SPTLC1: variants seen among roughly 807,000 people sequenced by gnomAD.
SPTLC1 encodes the protein serine palmitoyltransferase 1.
Under a neutral mutation model 68.9 loss-of-function variants are expected in SPTLC1, and 55 were observed. That is an observed-to-expected ratio of 0.80 (90% confidence interval 0.64 to 1.00). The LOEUF (loss-of-function observed/expected upper bound fraction) is 1.00, where lower values mean the gene tolerates loss of function less well. Among genes scored for constraint, SPTLC1 ranks in the 50% least tolerant of loss-of-function variants. The pLI is 0.00. For synonymous variants in SPTLC1, 197 were observed against 201.6 expected, an observed-to-expected ratio of 0.98 and a Z score of 0.19; for missense variants, 449 against 573.1, an observed-to-expected ratio of 0.78 and a Z score of 2.21.
chr9:92,100,643 G>A (rs1835711946), intron 3 of SPTLC1, among the ~76,000 whole-genome samples: 1 of 151,922 alleles, frequency 6.6e-6, no homozygotes, highest in African/African-American at 2.4e-5. Context: ...GTGTTTCCAG[G>A]GGAGTCCCAT....
chr9:92,055,600 AT>A (rs34684548), intron 7 of SPTLC1, 106 bp from the exon 8 acceptor site: 113,007 of 1,105,506 alleles, frequency 0.1, 6,601 homozygotes, highest in Non-Finnish European at 0.12. Context: ...TCCTAAAAAA[AT>A]ATTCTGAATG....
intron 14 of SPTLC1, 148 bp from the exon 15 acceptor site, chr9:92,032,706 C>A (rs943213944): frequency 9.1e-7 from 1 of 1,098,878 alleles, no homozygotes; most frequent in Non-Finnish European, 1.3e-6. Context: ...GAAACCCCAT[C>A]TCTGCTAAAA....
intron 3 of SPTLC1, among the ~76,000 whole-genome samples, chr9:92,100,107 T>C (rs1217753119): frequency 1.3e-5 from 2 of 148,206 alleles, no homozygotes; most frequent in African/African-American, 2.6e-5. Flanking sequence ...ATAAGCAAGT[T>C]TCTTAACAAA....
Position 92,032,025 on chromosome 9 carries a change from G to C in SPTLC1, c.*440C>G, listed in dbSNP as rs905192249. On this transcript the variant is annotated 3_prime_UTR_variant, in exon 15 of 15. Transcript: ENST00000262554. ...ATAAATTTGTACCACATATGTTGAAGTGTTCCTCTTAGCTTTAATGTTGCA... is the reference window on the plus strand; with the variant it reads ...ATAAATTTGTACCACATATGTTGAACTGTTCCTCTTAGCTTTAATGTTGCA... 7.2e-6 allele frequency: 3 copies of C among 413,890 alleles called. No individual in the cohort carries two copies. Among genetic ancestry groups the C allele is most frequent in the Admixed American group, 4.0e-5 (1 of 24,772 alleles). 25.6% of individuals were successfully genotyped at this position (413,890 alleles called of 1,614,324 possible). A position where few individuals can be genotyped will look rare whatever the true frequency, so the allele number is the denominator to read the frequency against.
chr9:92,082,786 C>T (rs1447219168), intron 3 of SPTLC1, among the ~76,000 whole-genome samples: 287 of 151,510 alleles, frequency 1.9e-3, no homozygotes, highest in African/African-American at 6.8e-3. Flanking sequence ...AATGGTATTT[C>T]TAGTTCTAGA....
At chr9:92,054,716 C>T (rs567673796) in intron 8 of SPTLC1, among the ~76,000 whole-genome samples, 12 of 152,260 alleles carry the variant, frequency 7.9e-5, no homozygotes, top group Admixed American at 3.3e-4. Context: ...AGATTGAGAC[C>T]ATCCTAGCCG....
chr9:92,088,104 G>T (rs571995027), intron 3 of SPTLC1, among the ~76,000 whole-genome samples: 2 of 152,180 alleles, frequency 1.3e-5, no homozygotes, highest in African/African-American at 4.8e-5. Context: ...TCGGAAAAGC[G>T]CAGTATTAGG....
intron 6 of SPTLC1, among the ~76,000 whole-genome samples, chr9:92,067,260 T>C (rs182505438): frequency 9.9e-5 from 15 of 151,674 alleles, no homozygotes; most frequent in Admixed American, 9.2e-4. Flanking sequence ...GATTGCGCCA[T>C]TGCACTCCAG....
intron 5 of SPTLC1, among the ~76,000 whole-genome samples, chr9:92,072,291 G>A (rs376931348): frequency 5.3e-5 from 8 of 152,134 alleles, no homozygotes; most frequent in East Asian, 3.9e-4. Context: ...AAGCTGCCTC[G>A]GTCTCTCCTC....
chr9:92,114,121 A>T (rs1836344379), intron 1 of SPTLC1, among the ~76,000 whole-genome samples: 1 of 151,944 alleles, frequency 6.6e-6, no homozygotes, highest in African/African-American at 2.4e-5. Context: ...TAAAAAAAAA[A>T]AAAGATTAGT....
chr9:92,040,216 A>AG (rs1366357577), intron 12 of SPTLC1, among the ~76,000 whole-genome samples: 6 of 151,942 alleles, frequency 3.9e-5, no homozygotes, highest in Non-Finnish European at 7.4e-5. Flanking sequence ...CTAAAAATAT[A>AG]AAAATTAGCC....
intron 5 of SPTLC1, among the ~76,000 whole-genome samples, chr9:92,068,389 G>A (rs919484011): frequency 1.3e-5 from 2 of 152,194 alleles, no homozygotes; most frequent in Non-Finnish European, 2.9e-5. Flanking sequence ...AAGACTTCAA[G>A]GCCTACCAAG....
At chr9:92,112,289 AG>A in intron 2 of SPTLC1, among the ~76,000 whole-genome samples, 165 bp downstream of exon 2, 2 of 152,334 alleles carry the variant, frequency 1.3e-5, no homozygotes, top group South Asian at 4.1e-4. Flanking sequence ...CTTTATTTCT[AG>A]ATTTCCCCAT....
At chr9:92,104,455 G>A in intron 3 of SPTLC1, 2 of 1,392,550 alleles carry the variant, frequency 1.4e-6, no homozygotes, top group Non-Finnish European at 1.9e-6. Context: ...TCGGAACACG[G>A]GCACCCCACA....
At chr9:92,086,447 A>C (rs1042602488) in intron 3 of SPTLC1, among the ~76,000 whole-genome samples, 4 of 152,154 alleles carry the variant, frequency 2.6e-5, no homozygotes, top group African/African-American at 9.7e-5. Flanking sequence ...GGTGGTGACA[A>C]AATCTCTCAG....
At position 92,092,489 on chromosome 9, in the gene SPTLC1, G is replaced by C. The variant is rs145564561; in HGVS notation, c.261-11526C>G. Reference sequence around the variant, plus strand: ...CATGCCTGTAATACCAGCACTTTGGGAGGTTAAGGCGGGTGGATCACCCGA... The same window carrying C: ...CATGCCTGTAATACCAGCACTTTGGCAGGTTAAGGCGGGTGGATCACCCGA... On this transcript the variant is annotated intron_variant, in intron 3 of 14. Coordinates refer to ENST00000262554, the MANE Select transcript of SPTLC1 (RefSeq NM_006415.4). Among the ~76,000 whole-genome samples the C allele has an allele frequency of 7.3e-3, 1,109 of 152,308 alleles. 9 individuals are homozygous for C. The highest frequency in any genetic ancestry group is 0.025 in the African/African-American group (1,036 of 41,562).
At chr9:92,059,724 G>C (rs1834021384) in intron 6 of SPTLC1, among the ~76,000 whole-genome samples, 3 of 152,158 alleles carry the variant, frequency 2.0e-5, no homozygotes, top group African/African-American at 7.2e-5. Context: ...CAGCTAGACA[G>C]AAAACTTTTA....
intron 3 of SPTLC1, among the ~76,000 whole-genome samples, chr9:92,089,379 C>T (rs1028153235): frequency 6.6e-6 from 1 of 152,128 alleles, no homozygotes; most frequent in Non-Finnish European, 1.5e-5. Flanking sequence ...TGCCACTGCA[C>T]TCCAGCCTGC....
In SPTLC1 at chr9:92,115,408, C is replaced by A; in HGVS notation, c.-38G>T. The A allele has an allele frequency of 6.2e-7, 1 of 1,608,820 alleles. No individual in the cohort carries two copies. ...CCTTCCGGAAGGCGGGTCACAAGCG[C>A]GTCCCAAAAGTGCGCGTCGCTGCTC... On this transcript the variant is annotated 5_prime_UTR_variant, in exon 1 of 15. Coordinates refer to ENST00000262554, the MANE Select transcript of SPTLC1 (RefSeq NM_006415.4).
Sources: allele counts gnomAD v4.1 joint callset (sites outside exome capture counted in the v4.1 genomes callset), GRCh38; gene constraint gnomAD v4.1.1; transcripts MANE v1.5; gene names NCBI Gene and HGNC (gene_info 2026-07-23, HGNC 2026-07-21).